Variants in FRMD3 observed in about 807,000 individuals in gnomAD.
The protein encoded by FRMD3 is FERM domain containing 3, also known as FERM domain-containing protein 3.
In FRMD3, 33 loss-of-function variants were observed where a neutral mutation model predicts 70.2. The ratio of observed to expected loss-of-function variants is 0.47; its 90% CI spans 0.36 to 0.63. FRMD3 has a LOEUF of 0.63. Among genes scored for constraint, FRMD3 ranks in the 20% least tolerant of loss-of-function variants. The probability of loss-of-function intolerance (pLI) is 0.00; values close to 1 mark genes in which losing one functional copy is unlikely to be tolerated. For synonymous variants in FRMD3, 279 were observed against 255.9 expected, an observed-to-expected ratio of 1.09 and a Z score of -0.86; for missense variants, 632 against 711.4, an observed-to-expected ratio of 0.89 and a Z score of 1.27.
intron 1 of FRMD3, among the ~76,000 whole-genome samples, chr9:83,488,343 C>T (rs1461008627): frequency 6.6e-6 from 1 of 152,208 alleles, no homozygotes; most frequent in Non-Finnish European, 1.5e-5. Context: ...TAACATTGCA[C>T]TCTGCATTTT....
chr9:83,493,245 C>T (rs2131500588), intron 1 of FRMD3, among the ~76,000 whole-genome samples: 1 of 152,302 alleles, frequency 6.6e-6, no homozygotes, highest in South Asian at 2.1e-4. Flanking sequence ...TGACACTTTT[C>T]AGTAAGACCT....
chr9:83,291,844 G>C (rs975673757), intron 12 of FRMD3, among the ~76,000 whole-genome samples: 3 of 152,170 alleles, frequency 2.0e-5, no homozygotes, highest in African/African-American at 7.2e-5. Flanking sequence ...GTGTTCCCTA[G>C]ACCGGCTGCA....
Position 83,507,691 on chromosome 9 carries a change from CATATATATAT to C in FRMD3, c.147+30384_147+30393del, listed in dbSNP as rs34251863. Among the ~76,000 whole-genome samples the C allele has an allele frequency of 7.4e-3, 363 of 49,228 alleles. 1 individual carries two copies. The highest frequency in any genetic ancestry group is 0.03 in the East Asian group (47 of 1,558). 32.3% of individuals were successfully genotyped at this position (49,228 alleles called of 152,430 possible). ...TCTCAAACAAAAAAAAATATACATA[CATATATATAT>C]ATATATATATATATATATATATATA... On this transcript the variant is annotated intron_variant, in intron 1 of 13. Transcript: ENST00000304195.
chr9:83,290,168 TAGA>T (rs1261987090), intron 13 of FRMD3, among the ~76,000 whole-genome samples: 1 of 152,184 alleles, frequency 6.6e-6, no homozygotes, highest in African/African-American at 2.4e-5. Flanking sequence ...GTTTCAGTGA[TAGA>T]GGAAATTATC....
At chr9:83,562,018 G>A in the FRMD3 span, among the ~76,000 whole-genome samples, 6 of 152,178 alleles carry the variant, frequency 3.9e-5, no homozygotes, top group African/African-American at 1.4e-4. Context: ...CTGGTACAGG[G>A]TATATAATTT....
chr9:83,556,098 T>G, the FRMD3 span, among the ~76,000 whole-genome samples: 5 of 152,136 alleles, frequency 3.3e-5, no homozygotes, highest in Non-Finnish European at 7.3e-5. Flanking sequence ...TTCCTTTCCA[T>G]GACAGCCACA....
chr9:83,287,320 TC>T (rs1834258120), intron 13 of FRMD3, among the ~76,000 whole-genome samples: 1 of 152,142 alleles, frequency 6.6e-6, no homozygotes, highest in East Asian at 1.9e-4. Flanking sequence ...CTACTAAACA[TC>T]CTACAATGCA....
chr9:83,302,443 C>T (rs548437081), intron 10 of FRMD3, among the ~76,000 whole-genome samples: 1 of 152,266 alleles, frequency 6.6e-6, no homozygotes, highest in East Asian at 1.9e-4. Context: ...TTGGTCATGC[C>T]ATGTGGCTTT....
chr9:83,420,611 T>G (rs1400706125), intron 1 of FRMD3, among the ~76,000 whole-genome samples: 2 of 152,204 alleles, frequency 1.3e-5, no homozygotes, highest in East Asian at 3.9e-4. Flanking sequence ...ATGGTTTGGA[T>G]ATTTCACCCT....
At chr9:83,433,208 TA>T (rs954694883) in intron 1 of FRMD3, among the ~76,000 whole-genome samples, 3 of 152,122 alleles carry the variant, frequency 2.0e-5, no homozygotes, top group African/African-American at 7.2e-5. Flanking sequence ...TTCCTTATTA[TA>T]AAAAAATCTC....
At chr9:83,364,145 G>A (rs922587587) in intron 3 of FRMD3, among the ~76,000 whole-genome samples, 19 of 152,238 alleles carry the variant, frequency 1.2e-4, no homozygotes, top group African/African-American at 4.3e-4. Flanking sequence ...TTGGTTTGTA[G>A]CATCAAACAT....
At chr9:83,400,207 C>T (rs1825915270) in intron 1 of FRMD3, among the ~76,000 whole-genome samples, 1 of 152,096 alleles carries the variant, frequency 6.6e-6, no homozygotes, top group Non-Finnish European at 1.5e-5. Context: ...TGTTGCAGGA[C>T]ATAAAGCTAA....
chr9:83,357,261 ATATATATATATATATAT>A (rs1824415079), intron 3 of FRMD3, among the ~76,000 whole-genome samples: 1 of 56,394 alleles, frequency 1.8e-5, no homozygotes, highest in African/African-American at 1.0e-4. Context: ...ATATATATAT[ATATATATATATATATAT>A]ATATATATAT....
intron 1 of FRMD3, among the ~76,000 whole-genome samples, chr9:83,472,015 T>C (rs1443915920): frequency 6.6e-6 from 1 of 152,172 alleles, no homozygotes; most frequent in African/African-American, 2.4e-5. Context: ...CCTTGTATAG[T>C]GACAACACAG....
intron 13 of FRMD3, chr9:83,267,056 A>G (rs1833295893): frequency 6.4e-7 from 1 of 1,550,876 alleles, no homozygotes; most frequent in South Asian, 1.2e-5. Context: ...CAGCAGACGA[A>G]CAAACACATT....
the FRMD3 span, among the ~76,000 whole-genome samples, chr9:83,566,265 T>G: frequency 2.0e-5 from 3 of 152,122 alleles, no homozygotes; most frequent in African/African-American, 7.2e-5. Flanking sequence ...TTGTGAGACT[T>G]CCCCACTCTC....
At chr9:83,369,395 G>A (rs1564040512) in intron 3 of FRMD3, among the ~76,000 whole-genome samples, 1 of 151,816 alleles carries the variant, frequency 6.6e-6, no homozygotes, top group Non-Finnish European at 1.5e-5. Flanking sequence ...GGCCAATATG[G>A]CAAAACCCTG....
intron 10 of FRMD3, among the ~76,000 whole-genome samples, chr9:83,302,109 G>A (rs771630276): frequency 6.6e-6 from 1 of 152,190 alleles, no homozygotes; most frequent in Non-Finnish European, 1.5e-5. Flanking sequence ...GGCTGTAGAG[G>A]GGAGGGGAAT....
At chr9:83,332,446 G>T (rs1027881641) in intron 6 of FRMD3, among the ~76,000 whole-genome samples, 1 of 150,918 alleles carries the variant, frequency 6.6e-6, no homozygotes, top group Non-Finnish European at 1.5e-5. Flanking sequence ...TATCTATCAG[G>T]CCATCTTGGT....
Sources: allele counts gnomAD v4.1 joint callset (sites outside exome capture counted in the v4.1 genomes callset), GRCh38; gene constraint gnomAD v4.1.1; transcripts MANE v1.5; gene names NCBI Gene and HGNC (gene_info 2026-07-23, HGNC 2026-07-21).